Variants in PCDHA5 observed in about 807,000 individuals in gnomAD.
The protein encoded by PCDHA5 is protocadherin alpha-5.
A neutral mutation model predicts 61.6 loss-of-function variants in PCDHA5; 43 were observed. The ratio of observed to expected loss-of-function variants is 0.70; its 90% CI spans 0.55 to 0.90. The LOEUF (loss-of-function observed/expected upper bound fraction) is 0.90. Ranked by LOEUF, PCDHA5 falls within the 40% of genes least tolerant of loss-of-function variation. PCDHA5 has a pLI of 0.00. For missense variants in PCDHA5, 1,298 were observed against 1,222.7 expected (o/e 1.06, Z -0.92); for synonymous variants, 627 against 543.9 (o/e 1.15, Z -2.13).
chr5:140,954,750 T>C (rs1045434392), intron 1 of PCDHA5, among the ~76,000 whole-genome samples: 7 of 152,228 alleles, frequency 4.6e-5, no homozygotes, highest in Non-Finnish European at 2.9e-5. Flanking sequence ...TAGTTTCTTT[T>C]GCTGTGCAGA....
intron 1 of PCDHA5, among the ~76,000 whole-genome samples, chr5:140,902,711 C>T (rs2153477998): frequency 6.6e-6 from 1 of 151,990 alleles, no homozygotes; most frequent in Middle Eastern, 3.4e-3. Context: ...TCTTTCACTC[C>T]CCTCCCACCC....
intron 1 of PCDHA5, among the ~76,000 whole-genome samples, chr5:140,894,571 T>C (rs782019282): frequency 2.0e-5 from 3 of 151,906 alleles, no homozygotes; most frequent in Non-Finnish European, 4.4e-5. Flanking sequence ...TTATTTTCCT[T>C]TTTTTTAATA....
At chr5:140,983,165 T>A (rs947834633) in intron 3 of PCDHA5, among the ~76,000 whole-genome samples, 14 of 152,220 alleles carry the variant, frequency 9.2e-5, no homozygotes, top group Admixed American at 4.6e-4. Context: ...TTGCCAAACA[T>A]GACCGCCTCA....
chr5:140,857,750 C>T (rs781977975), intron 1 of PCDHA5: 1 of 1,597,430 alleles, frequency 6.3e-7, no homozygotes, highest in Non-Finnish European at 8.6e-7. Context: ...GCTGGCGTCT[C>T]CCGCTGGCAG....
chr5:140,998,910 A>T (rs1346967203), intron 3 of PCDHA5, among the ~76,000 whole-genome samples: 1 of 152,230 alleles, frequency 6.6e-6, no homozygotes, highest in South Asian at 2.1e-4. Context: ...TCCGGGAGGT[A>T]GCTATTATAT....
intron 1 of PCDHA5, among the ~76,000 whole-genome samples, chr5:140,826,625 C>T (rs1180979712): frequency 6.6e-6 from 1 of 151,940 alleles, no homozygotes; most frequent in South Asian, 2.1e-4. Context: ...TGATATTTGG[C>T]CCTGACTTTT....
At chr5:140,871,567 A>AT (rs1441824086) in intron 1 of PCDHA5, 49 of 1,482,936 alleles carry the variant, frequency 3.3e-5, no homozygotes, top group Non-Finnish European at 3.9e-5. Flanking sequence ...TTTTTCACGG[A>AT]TTTTTTAAGG....
intron 1 of PCDHA5, among the ~76,000 whole-genome samples, chr5:140,940,208 A>T (rs1193106137): frequency 6.6e-6 from 1 of 152,164 alleles, no homozygotes; most frequent in Non-Finnish European, 1.5e-5. Flanking sequence ...AAAATTCAAG[A>T]TTGGCATTTA....
At chr5:140,954,237 A>G (rs1442141242) in intron 1 of PCDHA5, among the ~76,000 whole-genome samples, 14 of 152,338 alleles carry the variant, frequency 9.2e-5, no homozygotes, top group Middle Eastern at 3.4e-3. Flanking sequence ...TAGTGCTGCA[A>G]TGAACATACA....
intron 1 of PCDHA5, chr5:140,842,837 A>G: frequency 6.3e-7 from 1 of 1,593,660 alleles, no homozygotes; most frequent in South Asian, 1.1e-5. Context: ...CTCGCTGTCG[A>G]GCTACATTTC....
At chr5:140,916,978 C>T (rs907014572) in intron 1 of PCDHA5, among the ~76,000 whole-genome samples, 13 of 152,270 alleles carry the variant, frequency 8.5e-5, no homozygotes, top group South Asian at 2.1e-4. Context: ...ATGAGTGATT[C>T]GCCTCTGGCC....
intron 1 of PCDHA5, among the ~76,000 whole-genome samples, chr5:140,891,954 G>C (rs782159289): frequency 4.6e-5 from 7 of 152,318 alleles, no homozygotes; most frequent in Admixed American, 6.5e-5. Flanking sequence ...CTCCAGAATT[G>C]TGAGAAGTAA....
intron 1 of PCDHA5, chr5:140,865,673 C>A (rs1438550706): frequency 6.6e-6 from 1 of 152,132 alleles, no homozygotes; most frequent in Non-Finnish European, 1.5e-5. Flanking sequence ...ATAACAATTT[C>A]TAAAGTACAT....
In PCDHA5 at chr5:140,869,783, G is replaced by A. The variant is rs990827650; in HGVS notation, c.2352+45656G>A. The A allele has an allele frequency of 1.2e-5, 19 of 1,612,688 alleles. No homozygotes were observed. In the African/African-American group the frequency reaches 1.2e-4, roughly 10 times the overall value. ...AAACCAGAGCTTACTGGCACCGTTC[G>A]GCTGTTAGTCCAAGTCTTGGATGTC... On this transcript the variant is annotated intron_variant, in intron 1 of 3. Coordinates refer to ENST00000529859, the MANE Select transcript of PCDHA5 (RefSeq NM_018908.3).
At chr5:140,846,796 C>G (rs1200474608) in intron 1 of PCDHA5, among the ~76,000 whole-genome samples, 1 of 149,304 alleles carries the variant, frequency 6.7e-6, no homozygotes, top group African/African-American at 2.5e-5. Context: ...GAGCCCCAGC[C>G]CCTGGCTTTA....
At chr5:140,966,712 T>C (rs2153748592) in intron 1 of PCDHA5, 2 of 1,392,090 alleles carry the variant, frequency 1.4e-6, no homozygotes, top group Middle Eastern at 2.7e-4. Flanking sequence ...GGGGCACGGC[T>C]GGGGAAGCTG....
At chr5:140,991,180 C>T (rs2097436577) in intron 3 of PCDHA5, among the ~76,000 whole-genome samples, 1 of 152,160 alleles carries the variant, frequency 6.6e-6, no homozygotes. Context: ...AAGCAGGATG[C>T]CTAGCACACA....
intron 1 of PCDHA5, among the ~76,000 whole-genome samples, chr5:140,840,665 CA>C (rs1776810280): frequency 6.6e-6 from 1 of 151,998 alleles, no homozygotes; most frequent in Admixed American, 6.6e-5. Flanking sequence ...TATGCACATA[CA>C]TTTTTATTAC....
At chr5:140,981,683 T>A (rs1484532280) in intron 2 of PCDHA5, among the ~76,000 whole-genome samples, 5 of 152,034 alleles carry the variant, frequency 3.3e-5, no homozygotes, top group Non-Finnish European at 5.9e-5. Flanking sequence ...CCTTCCTCCC[T>A]TCCATCATTC....
Sources: allele counts gnomAD v4.1 joint callset (sites outside exome capture counted in the v4.1 genomes callset), GRCh38; gene constraint gnomAD v4.1.1; transcripts MANE v1.5; gene names NCBI Gene and HGNC (gene_info 2026-07-23, HGNC 2026-07-21).